The following FIP1L1 variants were observed in gnomAD, a reference collection of about 807,000 sequenced individuals.
FIP1L1 encodes the protein pre-mRNA 3'-end-processing factor FIP1.
A neutral mutation model predicts 84.6 loss-of-function variants in FIP1L1; 21 were observed. That is an observed-to-expected ratio of 0.25 (90% CI 0.18 to 0.36). The LOEUF (loss-of-function observed/expected upper bound fraction) is 0.36. Ranked by LOEUF, FIP1L1 falls within the 10% of genes least tolerant of loss-of-function variation. The pLI is 1.00. For missense variants in FIP1L1, 526 were observed against 751.1 expected, an observed-to-expected ratio of 0.70 and a Z score of 3.50; for synonymous variants, 263 against 242.3, an observed-to-expected ratio of 1.09 and a Z score of -0.80.
intron 13 of FIP1L1, among the ~76,000 whole-genome samples, chr4:53,441,487 A>C (rs1243194394): frequency 6.6e-6 from 1 of 151,994 alleles, no homozygotes. Flanking sequence ...TGTGGTTGTG[A>C]GGCTGTATGA....
intron 13 of FIP1L1, among the ~76,000 whole-genome samples, chr4:53,441,279 A>G (rs368764115): frequency 6.6e-6 from 1 of 151,914 alleles, no homozygotes; most frequent in South Asian, 2.1e-4. Flanking sequence ...AAAGAGAATG[A>G]GAGGTGATAA....
intron 17 of FIP1L1, 132 bp downstream of exon 17, chr4:53,458,922 G>T: frequency 1.0e-6 from 1 of 1,001,092 alleles, no homozygotes; most frequent in Non-Finnish European, 1.4e-6. Context: ...AAAATTCAGG[G>T]CCTTGTCTCA....
In FIP1L1 at chr4:53,460,848, T is replaced by C; in HGVS notation, c.*1399T>C. ...ATAAAAACTGACAAGATAAATATAG[T>C]GTTTCAACTTCTTAGCCTATTTGTG... On this transcript the variant is annotated 3_prime_UTR_variant, in exon 18 of 18. Coordinates refer to ENST00000337488, the MANE Select transcript of FIP1L1 (RefSeq NM_030917.4). 1.4e-6 allele frequency: 2 copies of C among 1,408,114 alleles called. No homozygotes were observed. Among genetic ancestry groups the C allele is most frequent in the East Asian group, 4.7e-5 (2 of 42,156 alleles). 87.2% of individuals were successfully genotyped at this position (1,408,114 alleles called of 1,614,324 possible). A position where few individuals can be genotyped will look rare whatever the true frequency, so the allele number is the denominator to read the frequency against.
chr4:53,425,711 G>A, intron 11 of FIP1L1, 161 bp from the exon 12 acceptor site: 2 of 521,574 alleles, frequency 3.8e-6, no homozygotes, highest in Non-Finnish European at 3.5e-6. Context: ...ACAATGCAAA[G>A]TAGTGAGCTT....
chr4:53,389,470 GTTTTTGCC>G (rs1742975682), intron 5 of FIP1L1, among the ~76,000 whole-genome samples: 1 of 150,684 alleles, frequency 6.6e-6, no homozygotes, highest in African/African-American at 2.4e-5. Flanking sequence ...TTTTTTTACT[GTTTTTGCC>G]TTTTATTGAG....
chr4:53,387,419 T>G (rs999402716), intron 5 of FIP1L1, among the ~76,000 whole-genome samples: 21 of 152,288 alleles, frequency 1.4e-4, no homozygotes, highest in African/African-American at 5.1e-4. Flanking sequence ...GTGCTACTGC[T>G]CCCACCTCCC....
intron 13 of FIP1L1, among the ~76,000 whole-genome samples, chr4:53,441,400 A>T (rs1771876267): frequency 6.6e-6 from 1 of 151,924 alleles, no homozygotes; most frequent in Admixed American, 6.6e-5. Context: ...GACATTGATT[A>T]TGTGTGAATG....
chr4:53,377,780 TG>T lies in FIP1L1; in HGVS notation c.-55del. On this transcript the variant is annotated 5_prime_UTR_variant, in exon 1 of 18. It introduces an in-frame stop codon into an upstream open reading frame of the 5' UTR. Coordinates refer to ENST00000337488, the MANE Select transcript of FIP1L1 (RefSeq NM_030917.4). ...TTCTCGCGCCTCGGGGCTGCGAGGC[TG>T]GGGAAGGGGTTGGAGGGGGCTGTTG... The T allele has an allele frequency of 6.9e-7, 1 of 1,439,432 alleles. No individual in the cohort carries two copies. Among genetic ancestry groups the T allele is most frequent in the South Asian group, 1.4e-5 (1 of 73,410 alleles). 89.2% of individuals were successfully genotyped at this position (1,439,432 alleles called of 1,614,324 possible).
chr4:53,446,509 T>G (rs1774254560), intron 15 of FIP1L1, among the ~76,000 whole-genome samples: 1 of 152,208 alleles, frequency 6.6e-6, no homozygotes, highest in Non-Finnish European at 1.5e-5. Context: ...TTAGACAGCC[T>G]AGGTTTGGGT....
At chr4:53,430,662 CATAAGT>C (rs1332710087) in intron 13 of FIP1L1, among the ~76,000 whole-genome samples, 1 of 152,034 alleles carries the variant, frequency 6.6e-6, no homozygotes, top group Non-Finnish European at 1.5e-5. Flanking sequence ...AACCTTTGTT[CATAAGT>C]ATAACAAATC....
At chr4:53,433,055 ATTTG>A (rs1000683052) in intron 13 of FIP1L1, among the ~76,000 whole-genome samples, 70 of 152,284 alleles carry the variant, frequency 4.6e-4, no homozygotes, top group African/African-American at 1.6e-3. Context: ...GTTTTGAAAT[ATTTG>A]TTTATTGGAA....
intron 10 of FIP1L1, among the ~76,000 whole-genome samples, chr4:53,412,920 T>G (rs1757831951): frequency 6.6e-6 from 1 of 152,150 alleles, no homozygotes; most frequent in African/African-American, 2.4e-5. Context: ...TCTTAACATT[T>G]ATTAGTTGGC....
intron 13 of FIP1L1, among the ~76,000 whole-genome samples, chr4:53,428,396 C>T (rs1055710224): frequency 9.2e-5 from 14 of 152,176 alleles, no homozygotes; most frequent in Admixed American, 3.9e-4. Context: ...GAAGAATATA[C>T]AGATACCAAT....
intron 13 of FIP1L1, among the ~76,000 whole-genome samples, chr4:53,432,054 C>G: frequency 6.6e-6 from 1 of 152,000 alleles, no homozygotes; most frequent in Non-Finnish European, 1.5e-5. Context: ...TCTGGAAGTG[C>G]AAAAGCATTT....
At chr4:53,457,930 G>A (rs771285182) in intron 16 of FIP1L1, among the ~76,000 whole-genome samples, 66 of 152,184 alleles carry the variant, frequency 4.3e-4, no homozygotes, top group Non-Finnish European at 1.8e-4. Flanking sequence ...AGTTTCACCA[G>A]TCTGTGTAAT....
intron 10 of FIP1L1, among the ~76,000 whole-genome samples, chr4:53,404,938 T>C (rs1752426630): frequency 6.6e-6 from 1 of 151,080 alleles, no homozygotes; most frequent in Non-Finnish European, 1.5e-5. Context: ...GTTGCGAAAA[T>C]TTTCTCCCAT....
chr4:53,421,847 A>G (rs1458414041), intron 11 of FIP1L1, among the ~76,000 whole-genome samples: 1 of 152,210 alleles, frequency 6.6e-6, no homozygotes, highest in Non-Finnish European at 1.5e-5. Context: ...GCATCTATAC[A>G]TATCTATTTA....
At chr4:53,416,211 G>T (rs1004455356) in intron 11 of FIP1L1, among the ~76,000 whole-genome samples, 1 of 152,108 alleles carries the variant, frequency 6.6e-6, no homozygotes, top group Non-Finnish European at 1.5e-5. Context: ...AAACACTTGG[G>T]TTTATATTTA....
intron 10 of FIP1L1, among the ~76,000 whole-genome samples, chr4:53,410,128 C>T (rs1310374077): frequency 1.1e-4 from 17 of 152,180 alleles, no homozygotes; most frequent in Non-Finnish European, 1.5e-5. Context: ...TATTTGGCCA[C>T]CTTGGCTCCA....
Sources: gnomAD v4.1 joint callset for allele counts (sites outside exome capture counted in the v4.1 genomes callset) on GRCh38, gnomAD v4.1.1 for gene constraint, MANE v1.5 for transcripts, NCBI Gene and HGNC (gene_info 2026-07-23, HGNC 2026-07-21) for gene names.